The following PCSK5 variants were observed in gnomAD, a reference collection of about 807,000 sequenced individuals.
The protein encoded by PCSK5 is proprotein convertase subtilisin/kexin type 5.
Under a neutral mutation model 233.2 loss-of-function variants are expected in PCSK5, and 129 were observed. The observed-to-expected ratio is 0.55, with a 90% CI of 0.48 to 0.64. The LOEUF (loss-of-function observed/expected upper bound fraction) is 0.64. Ranked by LOEUF, PCSK5 falls within the 30% of genes least tolerant of loss-of-function variation. The pLI is 0.00. For synonymous variants in PCSK5, 825 were observed against 879.2 expected (o/e 0.94, Z 1.09); for missense variants, 2,076 against 2,430.1 (o/e 0.85, Z 3.06).
rs979799492 is a variant in PCSK5, at chr9:75,927,948, C to T, written c.193-4431C>T. On this transcript the variant is annotated intron_variant, in intron 1 of 37. Transcript: ENST00000674117. ...TTTATTAGTATAAAATAGTTTACAA[C>T]GCCTTTCCTAAGAACACACTTTGGT... Among the ~76,000 whole-genome samples the T allele has an allele frequency of 3.9e-5, 6 of 152,120 alleles. No individual in the cohort carries two copies. The South Asian group carries it at 6.2e-4, about 16-fold the overall frequency.
intron 25 of PCSK5, among the ~76,000 whole-genome samples, chr9:76,294,211 A>C (rs1327588859): frequency 6.7e-6 from 1 of 148,798 alleles, no homozygotes; most frequent in Non-Finnish European, 1.5e-5. Flanking sequence ...AAAAAAAAAA[A>C]CAGTTGTTAA....
intron 5 of PCSK5, among the ~76,000 whole-genome samples, chr9:76,055,838 G>C (rs935307362): frequency 6.6e-6 from 1 of 152,142 alleles, no homozygotes; most frequent in African/African-American, 2.4e-5. Context: ...TTACTTCACA[G>C]GGTTGATGTG....
At chr9:76,195,782 AGTT>A (rs1308171944) in intron 20 of PCSK5, 11 of 152,288 alleles carry the variant, frequency 7.2e-5, no homozygotes, top group East Asian at 1.9e-4. Flanking sequence ...TAAAATGTTC[AGTT>A]GTTTTTTTGT....
intron 20 of PCSK5, among the ~76,000 whole-genome samples, chr9:76,206,033 A>G (rs890634764): frequency 4.6e-5 from 7 of 152,240 alleles, no homozygotes; most frequent in African/African-American, 1.4e-4. Flanking sequence ...GGCAATGAGC[A>G]TAGAGCAATG....
chr9:76,211,856 A>T (rs1825341396), intron 20 of PCSK5, among the ~76,000 whole-genome samples: 1 of 152,092 alleles, frequency 6.6e-6, no homozygotes, highest in Non-Finnish European at 1.5e-5. Context: ...TCAAAAAAAA[A>T]ATCAAAGTCA....
intron 5 of PCSK5, among the ~76,000 whole-genome samples, chr9:76,034,743 G>GGTC (rs1295953038): frequency 6.6e-6 from 1 of 151,946 alleles, no homozygotes; most frequent in Non-Finnish European, 1.5e-5. Flanking sequence ...TCCTAGATGG[G>GGTC]GTCACATTTG....
intron 24 of PCSK5, among the ~76,000 whole-genome samples, chr9:76,261,540 T>C (rs191636092): frequency 1.3e-5 from 2 of 152,266 alleles, no homozygotes; most frequent in African/African-American, 2.4e-5. Flanking sequence ...CTTCCTGCCC[T>C]CACAAATATG....
At chr9:76,277,064 C>CA (rs1392566092) in intron 24 of PCSK5, among the ~76,000 whole-genome samples, 1 of 151,838 alleles carries the variant, frequency 6.6e-6, no homozygotes, top group Non-Finnish European at 1.5e-5. Context: ...CCTGTCTCTA[C>CA]AAAAAATACA....
chr9:76,041,498 C>T (rs953790778), intron 5 of PCSK5, among the ~76,000 whole-genome samples: 7 of 152,154 alleles, frequency 4.6e-5, no homozygotes, highest in African/African-American at 7.2e-5. Flanking sequence ...ATGTGTTTTG[C>T]CTCTGTCTTC....
chr9:76,282,075 T>TTC (rs563215268), intron 24 of PCSK5, among the ~76,000 whole-genome samples: 4,942 of 139,772 alleles, frequency 0.035, 310 homozygotes, highest in African/African-American at 0.12. Flanking sequence ...TTTTTTTTTT[T>TTC]CCCCACTCTG....
chr9:76,148,229 G>A (rs977161653), intron 10 of PCSK5, among the ~76,000 whole-genome samples: 5 of 151,292 alleles, frequency 3.3e-5, no homozygotes, highest in African/African-American at 1.2e-4. Context: ...TTTTAATGAT[G>A]CAAAGATACA....
chr9:76,242,449 A>G (rs1826459727), intron 24 of PCSK5, among the ~76,000 whole-genome samples: 1 of 152,206 alleles, frequency 6.6e-6, no homozygotes, highest in African/African-American at 2.4e-5. Flanking sequence ...TGGATAATAA[A>G]ATCTCATAAT....
chr9:76,303,703 T>C (rs752657019), intron 28 of PCSK5, among the ~76,000 whole-genome samples: 17 of 152,154 alleles, frequency 1.1e-4, no homozygotes, highest in Non-Finnish European at 2.1e-4. Flanking sequence ...TGGGGCTGAG[T>C]GATACTGCAG....
chr9:76,196,382 T>G (rs1229530994), intron 20 of PCSK5, among the ~76,000 whole-genome samples: 1 of 152,248 alleles, frequency 6.6e-6, no homozygotes, highest in East Asian at 1.9e-4. Flanking sequence ...GCTGGATGTC[T>G]AGAAGATGAT....
chr9:76,019,510 A>C (rs1012961569), intron 3 of PCSK5, among the ~76,000 whole-genome samples: 4 of 152,204 alleles, frequency 2.6e-5, no homozygotes, highest in Admixed American at 2.6e-4. Flanking sequence ...TTAAATTGGC[A>C]GTTCATTGGA....
intron 8 of PCSK5, among the ~76,000 whole-genome samples, chr9:76,101,319 T>A (rs983327282): frequency 6.6e-6 from 1 of 152,206 alleles, no homozygotes; most frequent in Non-Finnish European, 1.5e-5. Context: ...AGAAACTTCT[T>A]CTGTCGGTAG....
chr9:76,250,467 A>G (rs1826766460), intron 24 of PCSK5, among the ~76,000 whole-genome samples: 1 of 152,240 alleles, frequency 6.6e-6, no homozygotes, highest in Non-Finnish European at 1.5e-5. Context: ...GGGATAAATC[A>G]TATGGATTGA....
chr9:76,181,462 GCCC>G lies in PCSK5; in HGVS notation c.2071_2073del (p.Pro691del). 6.2e-7 allele frequency: 1 copy of G among 1,614,046 alleles called. No individual in the cohort carries two copies. The highest frequency in any genetic ancestry group is 8.5e-7 in the Non-Finnish European group (1 of 1,179,966). ...CGACAAGAAGCGCTGCAGGAAGTGT[GCCC>G]CCAACTGTGAGTCCTGCTTTGGGAG... On this transcript the variant is annotated inframe_deletion, in exon 16 of 38. Transcript: ENST00000674117.
At chr9:76,058,345 ACCC>A (rs1564001116) in intron 5 of PCSK5, among the ~76,000 whole-genome samples, 1 of 152,028 alleles carries the variant, frequency 6.6e-6, no homozygotes, top group Non-Finnish European at 1.5e-5. Flanking sequence ...GTAAACCAGA[ACCC>A]CTGAGATACC....
Sources: gnomAD v4.1 joint callset for allele counts (sites outside exome capture counted in the v4.1 genomes callset) on GRCh38, gnomAD v4.1.1 for gene constraint, MANE v1.5 for transcripts, NCBI Gene and HGNC (gene_info 2026-07-23, HGNC 2026-07-21) for gene names.